NUDT9: variants seen among roughly 807,000 people sequenced by gnomAD.
The protein encoded by NUDT9 is ADP-ribose pyrophosphatase.
Under a neutral mutation model 41.0 loss-of-function variants are expected in NUDT9, and 31 were observed. That is an observed-to-expected ratio of 0.76 (90% confidence interval 0.57 to 1.02). NUDT9 has a LOEUF of 1.02. Ranked by LOEUF, NUDT9 falls within the 50% of genes least tolerant of loss-of-function variation. The pLI is 0.00. For synonymous variants in NUDT9, 146 were observed against 147.6 expected (o/e 0.99, Z 0.08); for missense variants, 380 against 431.4 (o/e 0.88, Z 1.06).
At chr4:87,433,251 C>T (rs7665109) in intron 1 of NUDT9, among the ~76,000 whole-genome samples, 4,885 of 152,242 alleles carry the variant, frequency 0.032, 100 homozygotes, top group African/African-American at 0.067. Context: ...TTATGGTCAT[C>T]AGCCCATCCA....
intron 4 of NUDT9, among the ~76,000 whole-genome samples, chr4:87,443,681 G>A (rs1722317385): frequency 6.6e-6 from 1 of 152,208 alleles, no homozygotes; most frequent in South Asian, 2.1e-4. Flanking sequence ...TTATAAAGCA[G>A]GTAGATTTGA....
At chr4:87,426,598 G>A (rs975177830) in intron 1 of NUDT9, among the ~76,000 whole-genome samples, 51 of 152,016 alleles carry the variant, frequency 3.4e-4, no homozygotes, top group African/African-American at 1.1e-3. Flanking sequence ...TTTTAGTAGA[G>A]ACGGGGTTTC....
chr4:87,427,995 G>A (rs1721509272), intron 1 of NUDT9, among the ~76,000 whole-genome samples: 1 of 152,198 alleles, frequency 6.6e-6, no homozygotes, highest in Admixed American at 6.5e-5. Flanking sequence ...TTCCTAAACT[G>A]TGGCAGCTGA....
At chr4:87,435,991 G>A (rs997641587) in intron 2 of NUDT9, among the ~76,000 whole-genome samples, 1 of 151,040 alleles carries the variant, frequency 6.6e-6, no homozygotes, top group African/African-American at 2.4e-5. Flanking sequence ...ATACAATACT[G>A]TATTATTACT....
intron 1 of NUDT9, among the ~76,000 whole-genome samples, chr4:87,432,570 C>T (rs762872991): frequency 2.0e-5 from 3 of 152,040 alleles, no homozygotes; most frequent in Non-Finnish European, 4.4e-5. Context: ...TTAAAGTGAA[C>T]ATCCTTGTCT....
chr4:87,439,445 C>T (rs1028480328), intron 3 of NUDT9, among the ~76,000 whole-genome samples: 10 of 152,130 alleles, frequency 6.6e-5, no homozygotes, highest in African/African-American at 1.4e-4. Flanking sequence ...CACCTGAGAT[C>T]AGGAGTTGAA....
rs1245579854 is a variant in NUDT9, at chr4:87,451,711, A to T, written c.765A>T (p.Lys255Asn). 2.5e-6 allele frequency: 4 copies of T among 1,613,830 alleles called. No individual in the cohort carries two copies. The highest frequency in any genetic ancestry group is 2.5e-6 in the Non-Finnish European group (3 of 1,179,926). ...GAGAAATAGAGGAAAAGTTGCACAA[A>T]CTCTTCAGCCAAGACCACCTAGTGG... ...EKREIEEKLH[K>N]LFSQDHLVIY... The change falls in exon 6 of 8, where the codon AAA (lysine) becomes AAT (asparagine). Residue 255 changes from lysine (K) to asparagine (N), a missense_variant. Lys to Asn is a moderately conservative substitution (Grantham distance 94). Transcript: ENST00000302174.
intron 7 of NUDT9, among the ~76,000 whole-genome samples, chr4:87,457,526 C>G (rs1723040582): frequency 6.6e-6 from 1 of 152,116 alleles, no homozygotes; most frequent in Admixed American, 6.5e-5. Context: ...TCTCTCATCC[C>G]TCTTGGACTG....
At position 87,422,937 on chromosome 4, in the gene NUDT9, C is replaced by T. The variant is rs1721203851; in HGVS notation, c.32C>T (p.Ala11Val). The T allele has an allele frequency of 6.8e-6, 11 of 1,612,282 alleles. No individual in the cohort carries two copies. The highest frequency in any genetic ancestry group is 1.7e-5 in the Admixed American group (1 of 59,894). ...GGACGCCTCCTGGGAAAGGCTTTAG[C>T]CGCGGTGTCTCTCTCTCTGGCCTTG... MAGRLLGKALAAVSLSLALAS... is the reference protein window; with the variant it reads MAGRLLGKALVAVSLSLALAS... Residue 11 changes from alanine (A) to valine (V), a missense_variant, in exon 1 of 8, where the codon GCC becomes GTC. Physicochemically the swap from Ala to Val is moderately conservative, Grantham distance 64. Coordinates refer to ENST00000302174, the MANE Select transcript of NUDT9 (RefSeq NM_024047.5).
intron 6 of NUDT9, 84 bp downstream of exon 6, chr4:87,451,819 C>A: frequency 1.7e-6 from 2 of 1,150,356 alleles, no homozygotes; most frequent in Non-Finnish European, 2.5e-6. Context: ...TCTGTATGTC[C>A]TTCTCTAAAT....
chr4:87,423,480 T>C (rs954966378), intron 1 of NUDT9, among the ~76,000 whole-genome samples: 1 of 152,098 alleles, frequency 6.6e-6, no homozygotes, highest in Non-Finnish European at 1.5e-5. Flanking sequence ...TTGTCTATTG[T>C]GGTTAAATTT....
chr4:87,451,603 A>G lies in NUDT9; in HGVS notation c.657A>G (p.Pro219=), dbSNP rs367723624. The G allele has an allele frequency of 1.9e-6, 3 of 1,613,424 alleles. No individual in the cohort carries two copies. In the African/African-American group the frequency reaches 4.0e-5, roughly 22 times the overall value. Reference sequence around the variant, plus strand: ...GTGACTCTTAGGGGATGGTGGATCCAGGAGAGAAGATTAGTGCCACACTGA... The same window carrying G: ...GTGACTCTTAGGGGATGGTGGATCCGGGAGAGAAGATTAGTGCCACACTGA... ...EWAIPGGMVD[P]GEKISATLKR... is the part of the protein sequence containing the mutation. Residue 219 remains proline, a synonymous_variant, in exon 6 of 8, where the codon CCA becomes CCG. Coordinates refer to ENST00000302174, the MANE Select transcript of NUDT9 (RefSeq NM_024047.5).
Position 87,425,422 on chromosome 4 carries a change from C to T in NUDT9, c.107+2410C>T, listed in dbSNP as rs1255032894. Among the ~76,000 whole-genome samples, 14 of 116,936 alleles carry T rather than the reference C, an allele frequency of 1.2e-4. No homozygotes were observed. In the Admixed American group the frequency reaches 1.4e-3, roughly 12 times the overall value. The allele number at this position is 116,936 out of a possible 152,430, so 76.7% of individuals were successfully genotyped here. On this transcript the variant is annotated intron_variant, in intron 1 of 7. Coordinates refer to ENST00000302174, the MANE Select transcript of NUDT9 (RefSeq NM_024047.5). Reference sequence around the variant, plus strand: ...TTTTTTTTTTTTTTTGAGATGGAGTCTTGCTCTCGTTGCCAAGGCTGGAGT... The same window carrying T: ...TTTTTTTTTTTTTTTGAGATGGAGTTTTGCTCTCGTTGCCAAGGCTGGAGT...
intron 1 of NUDT9, among the ~76,000 whole-genome samples, chr4:87,428,144 G>GT (rs1244260368): frequency 6.6e-6 from 1 of 152,148 alleles, no homozygotes; most frequent in African/African-American, 2.4e-5. Flanking sequence ...TATTAGTTAG[G>GT]TTTTCCCTCA....
intron 1 of NUDT9, chr4:87,434,146 C>CT (rs1305507069): frequency 1.3e-5 from 2 of 152,272 alleles, no homozygotes; most frequent in Admixed American, 1.3e-4. Context: ...CCTCCGCCTC[C>CT]TGGGTTCAAG....
chr4:87,444,353 T>C (rs1560795291), intron 4 of NUDT9, among the ~76,000 whole-genome samples: 1 of 152,128 alleles, frequency 6.6e-6, no homozygotes, highest in Non-Finnish European at 1.5e-5. Context: ...GGTCTTATTT[T>C]CTTACTTGCC....
intron 4 of NUDT9, among the ~76,000 whole-genome samples, chr4:87,444,021 G>C (rs1430063904): frequency 6.6e-6 from 1 of 152,096 alleles, no homozygotes; most frequent in Middle Eastern, 3.2e-3. Context: ...CTAATGTTTA[G>C]ATATGCTTAG....
chr4:87,443,475 A>T (rs1048349224), intron 4 of NUDT9, among the ~76,000 whole-genome samples: 1 of 152,238 alleles, frequency 6.6e-6, no homozygotes, highest in Non-Finnish European at 1.5e-5. Context: ...ACTTTGGTAA[A>T]TATAAAAAAT....
In NUDT9 at chr4:87,458,111, G is replaced by T; in HGVS notation, c.*90G>T. 8.0e-7 allele frequency: 1 copy of T among 1,243,164 alleles called. No homozygotes were observed. The allele number at this position is 1,243,164 out of a possible 1,614,324, so 77.0% of individuals were successfully genotyped here. On this transcript the variant is annotated 3_prime_UTR_variant, in exon 8 of 8. Coordinates refer to ENST00000302174, the MANE Select transcript of NUDT9 (RefSeq NM_024047.5). ...CAGAATTTATACTATAAAAAGGGCAGGGTAGGCCACTTGGCCTATTTACTT... is the reference window on the plus strand; with the variant it reads ...CAGAATTTATACTATAAAAAGGGCATGGTAGGCCACTTGGCCTATTTACTT...
Sources: gnomAD v4.1 joint callset for allele counts (sites outside exome capture counted in the v4.1 genomes callset) on GRCh38, gnomAD v4.1.1 for gene constraint, MANE v1.5 for transcripts, NCBI Gene and HGNC (gene_info 2026-07-23, HGNC 2026-07-21) for gene names.